The following HPSE2 variants were observed in gnomAD, a reference collection of about 807,000 sequenced individuals.
The protein encoded by HPSE2 is heparanase 2 (inactive).
A neutral mutation model predicts 60.5 loss-of-function variants in HPSE2; 38 were observed. The observed-to-expected ratio is 0.63, with a 90% CI of 0.48 to 0.82. HPSE2 has a LOEUF of 0.82. Ranked by LOEUF, HPSE2 falls within the 40% of genes least tolerant of loss-of-function variation. HPSE2 has a pLI of 0.00. For synonymous variants in HPSE2, 295 were observed against 293.2 expected, an observed-to-expected ratio of 1.01 and a Z score of -0.06; for missense variants, 713 against 740.4, an observed-to-expected ratio of 0.96 and a Z score of 0.43.
intron 3 of HPSE2, among the ~76,000 whole-genome samples, chr10:98,814,305 C>G (rs977370187): frequency 2.6e-5 from 4 of 151,950 alleles, no homozygotes; most frequent in African/African-American, 9.7e-5. Context: ...ACTTTATAGC[C>G]TATAATTTAG....
At chr10:99,101,444 C>T (rs970072866) in intron 3 of HPSE2, among the ~76,000 whole-genome samples, 2 of 152,154 alleles carry the variant, frequency 1.3e-5, no homozygotes, top group Non-Finnish European at 2.9e-5. Context: ...GCTAACTATC[C>T]TAAATATATA....
At chr10:99,118,011 T>G (rs567156358) in intron 3 of HPSE2, among the ~76,000 whole-genome samples, 13 of 152,306 alleles carry the variant, frequency 8.5e-5, no homozygotes, top group Admixed American at 2.0e-4. Flanking sequence ...ATCAAAAATC[T>G]TATCCACCAC....
intron 3 of HPSE2, among the ~76,000 whole-genome samples, chr10:99,028,510 C>A (rs1044408778): frequency 6.6e-6 from 1 of 152,016 alleles, no homozygotes; most frequent in Non-Finnish European, 1.5e-5. Flanking sequence ...GAAAAATATT[C>A]CATATTTATG....
At chr10:99,047,791 C>A in intron 3 of HPSE2, 2 of 826,396 alleles carry the variant, frequency 2.4e-6, no homozygotes, top group Non-Finnish European at 4.2e-6. Context: ...AGCTTATCTA[C>A]AAAAAAGCAA....
At chr10:99,057,468 T>G (rs554987874) in intron 3 of HPSE2, among the ~76,000 whole-genome samples, 2 of 152,176 alleles carry the variant, frequency 1.3e-5, no homozygotes, top group African/African-American at 4.8e-5. Context: ...GGCAACAGCA[T>G]GGGATTTGAT....
the HPSE2 span, among the ~76,000 whole-genome samples, chr10:99,296,324 G>C: frequency 2.6e-5 from 4 of 152,138 alleles, no homozygotes; most frequent in African/African-American, 9.7e-5. Flanking sequence ...AACTAAAACA[G>C]GGCCAGGGTG....
At chr10:99,275,593 C>G in the HPSE2 span, among the ~76,000 whole-genome samples, 1 of 152,144 alleles carries the variant, frequency 6.6e-6, no homozygotes, top group African/African-American at 2.4e-5. Context: ...AACAGCTCCT[C>G]TCCCTTCTTT....
At chr10:98,635,264 T>C (rs1946467113) in intron 7 of HPSE2, among the ~76,000 whole-genome samples, 1 of 152,208 alleles carries the variant, frequency 6.6e-6, no homozygotes, top group Non-Finnish European at 1.5e-5. Context: ...AAAAGAGAAC[T>C]GTTACATACT....
intron 2 of HPSE2, among the ~76,000 whole-genome samples, chr10:99,197,188 T>A (rs530406177): frequency 8.6e-5 from 13 of 152,038 alleles, no homozygotes; most frequent in Non-Finnish European, 1.6e-4. Context: ...ATTAAACTCA[T>A]GGACATAGTA....
At chr10:98,714,621 C>G (rs1948749251) in intron 5 of HPSE2, among the ~76,000 whole-genome samples, 1 of 151,804 alleles carries the variant, frequency 6.6e-6, no homozygotes, top group Non-Finnish European at 1.5e-5. Flanking sequence ...ACCTTTGTTT[C>G]TATTTTTTAG....
In HPSE2 at chr10:98,620,595, T is replaced by C; in HGVS notation, c.1205+7A>G. 6.2e-7 allele frequency: 1 copy of C among 1,606,022 alleles called. No homozygotes were observed. The highest frequency in any genetic ancestry group is 8.5e-7 in the Non-Finnish European group (1 of 1,172,742). On this transcript the variant is annotated splice_region_variant and intron_variant, in intron 8 of 11. Coordinates refer to ENST00000370552, the MANE Select transcript of HPSE2 (RefSeq NM_021828.5). ...CCCCTGGGGGTGAACTTGCAGGTGTTACTCACAAGAATCCTGCAGCATAGG... is the reference window on the plus strand; with the variant it reads ...CCCCTGGGGGTGAACTTGCAGGTGTCACTCACAAGAATCCTGCAGCATAGG...
At chr10:98,963,872 T>C (rs1254044730) in intron 3 of HPSE2, among the ~76,000 whole-genome samples, 1 of 152,070 alleles carries the variant, frequency 6.6e-6, no homozygotes, top group African/African-American at 2.4e-5. Flanking sequence ...TTTGTAAGAC[T>C]AGGAAACAAA....
intron 9 of HPSE2, among the ~76,000 whole-genome samples, chr10:98,568,100 A>C (rs748730848): frequency 5.9e-5 from 9 of 152,176 alleles, no homozygotes; most frequent in Non-Finnish European, 1.0e-4. Context: ...TATCAGACTT[A>C]GGTAGCAGAC....
At chr10:98,708,618 A>AT (rs1230373921) in intron 5 of HPSE2, among the ~76,000 whole-genome samples, 3 of 152,128 alleles carry the variant, frequency 2.0e-5, no homozygotes, top group South Asian at 2.1e-4. Context: ...TGTAAGCTAC[A>AT]TTTTTTCCTT....
At chr10:99,285,233 A>G in the HPSE2 span, among the ~76,000 whole-genome samples, 1 of 151,540 alleles carries the variant, frequency 6.6e-6, no homozygotes, top group African/African-American at 2.4e-5. Context: ...GTCTGAGACC[A>G]GCCTGGCAAC....
chr10:98,952,314 TTGTGTGTGTGTGTG>T (rs59116303), intron 3 of HPSE2, among the ~76,000 whole-genome samples: 134 of 137,498 alleles, frequency 9.7e-4, no homozygotes, highest in African/African-American at 2.9e-3. Context: ...AAGAATTTGT[TTGTGTGTGTGTGTG>T]TGTGTGTGTG....
chr10:98,514,268 G>A (rs1182347273), intron 9 of HPSE2, among the ~76,000 whole-genome samples: 5 of 152,012 alleles, frequency 3.3e-5, no homozygotes, highest in Non-Finnish European at 5.9e-5. Flanking sequence ...GGTGGAAGGG[G>A]GAGGCAAGAA....
intron 3 of HPSE2, among the ~76,000 whole-genome samples, chr10:98,884,921 C>T (rs1309717216): frequency 1.3e-5 from 2 of 152,160 alleles, no homozygotes; most frequent in Non-Finnish European, 1.5e-5. Context: ...GTAATTTGGA[C>T]TTTCAAGTAT....
intron 2 of HPSE2, among the ~76,000 whole-genome samples, chr10:99,154,687 G>C (rs1846452769): frequency 6.6e-6 from 1 of 151,084 alleles, no homozygotes; most frequent in Non-Finnish European, 1.5e-5. Flanking sequence ...GGAAGAAACT[G>C]CATAAACTAA....
Sources: allele counts gnomAD v4.1 joint callset (sites outside exome capture counted in the v4.1 genomes callset), GRCh38; gene constraint gnomAD v4.1.1; transcripts MANE v1.5; gene names NCBI Gene and HGNC (gene_info 2026-07-23, HGNC 2026-07-21).